The following DLG5 variants were observed in gnomAD, a reference collection of about 807,000 sequenced individuals.
DLG5 encodes the protein disks large homolog 5.
Under a neutral mutation model 189.8 loss-of-function variants are expected in DLG5, and 48 were observed. The observed-to-expected ratio is 0.25, with a 90% confidence interval of 0.20 to 0.32. The LOEUF (loss-of-function observed/expected upper bound fraction) is 0.32. DLG5 is among the 10% of genes least tolerant of loss of function. The pLI is 1.00. For missense variants in DLG5, 2,160 were observed against 2,544.7 expected (o/e 0.85, Z 3.25); for synonymous variants, 1,016 against 1,054.1 (o/e 0.96, Z 0.70).
intron 7 of DLG5, among the ~76,000 whole-genome samples, chr10:77,838,715 G>A (rs1184837270): frequency 2.0e-5 from 3 of 152,248 alleles, no homozygotes; most frequent in Admixed American, 2.0e-4. Flanking sequence ...TGGCTCTGCG[G>A]TGAGGGAGCT....
At chr10:77,848,716 T>A (rs577544500) in intron 5 of DLG5, among the ~76,000 whole-genome samples, 2 of 148,988 alleles carry the variant, frequency 1.3e-5, no homozygotes, top group Non-Finnish European at 3.0e-5. Context: ...GATTTTTTTT[T>A]AAAGCAGGTT....
intron 19 of DLG5, 142 bp from the exon 20 acceptor site, chr10:77,816,843 A>C: frequency 7.2e-7 from 1 of 1,382,656 alleles, no homozygotes; most frequent in Non-Finnish European, 9.9e-7. Flanking sequence ...TAGGCTCTGC[A>C]TTGCCCCCTA....
chr10:77,796,594 T>C lies in DLG5; in HGVS notation c.5165A>G (p.Asp1722Gly). 6.2e-7 allele frequency: 1 copy of C among 1,613,700 alleles called. No individual in the cohort carries two copies. Among genetic ancestry groups the C allele is most frequent in the Non-Finnish European group, 8.5e-7 (1 of 1,179,872 alleles). ...CCGCTGATAGGCCAGGCTCACCGAA[T>C]CTGAGGGAGAGAGAGCAGCAGCGTC... ...FSSDSIPLFE[D>G]SVSLAYQRVQ... The change falls in exon 28 of 32, where the codon GAT becomes GGT. Residue 1722 changes from aspartate to glycine, a missense_variant and splice_region_variant. Asp to Gly is a moderately conservative substitution (Grantham distance 94). Coordinates refer to ENST00000372391, the MANE Select transcript of DLG5 (RefSeq NM_004747.4). The surrounding 1 kb of genome is among the most constrained non-coding windows in gnomAD (Gnocchi z 5.2).
Position 77,849,596 on chromosome 10 carries a change from G to A in DLG5, c.864+3758C>T, listed in dbSNP as rs546908677. Among the ~76,000 whole-genome samples the A allele has an allele frequency of 2.0e-5, 3 of 152,348 alleles. No individual in the cohort carries two copies. In the East Asian group the frequency reaches 5.8e-4, roughly 29 times the overall value. ...GCACTGGTCCAGCTGAACTGACCTG[G>A]GGGACCCCAATGACCAGGATGCATC... On this transcript the variant is annotated intron_variant, in intron 5 of 31. Coordinates refer to ENST00000372391, the MANE Select transcript of DLG5 (RefSeq NM_004747.4).
At chr10:77,918,790 G>A (rs936544972) in intron 1 of DLG5, among the ~76,000 whole-genome samples, 1 of 152,094 alleles carries the variant, frequency 6.6e-6, no homozygotes, top group Admixed American at 6.5e-5. Context: ...AGGCCAACAC[G>A]CAGCTCAGCC....
intron 27 of DLG5, among the ~76,000 whole-genome samples, chr10:77,800,926 C>T (rs1360646479): frequency 6.6e-6 from 1 of 152,216 alleles, no homozygotes. Flanking sequence ...GAACCACCAG[C>T]TGCACAAAAG....
intron 5 of DLG5, among the ~76,000 whole-genome samples, chr10:77,843,991 C>T (rs1466689385): frequency 6.6e-6 from 1 of 152,194 alleles, no homozygotes; most frequent in Non-Finnish European, 1.5e-5. Context: ...GGCCTGCTTG[C>T]AAGGTTGACC....
chr10:77,876,707 AAGGGAGGG>A (rs773174317), intron 1 of DLG5, among the ~76,000 whole-genome samples: 1 of 69,904 alleles, frequency 1.4e-5, no homozygotes, highest in African/African-American at 5.9e-5. Context: ...GGAAGGAAGG[AAGGGAGGG>A]AGGGAGGGAG....
intron 20 of DLG5, among the ~76,000 whole-genome samples, chr10:77,814,225 G>A (rs117207781): frequency 0.02 from 2,991 of 151,964 alleles, 46 homozygotes; most frequent in Non-Finnish European, 0.033. Context: ...TGATATGCCC[G>A]TCTCAGCCAC....
At chr10:77,887,099 T>C (rs1249005826) in intron 1 of DLG5, among the ~76,000 whole-genome samples, 2 of 152,162 alleles carry the variant, frequency 1.3e-5, no homozygotes, top group Non-Finnish European at 2.9e-5. Context: ...GCCCTTCCAA[T>C]ACAGACATCA....
chr10:77,896,483 T>C (rs1455127930), intron 1 of DLG5, among the ~76,000 whole-genome samples: 1 of 152,172 alleles, frequency 6.6e-6, no homozygotes, highest in Non-Finnish European at 1.5e-5. Context: ...TGTCCACAAC[T>C]TTTTTCCAAA....
At chr10:77,925,840 G>A (rs897500384) in intron 1 of DLG5, among the ~76,000 whole-genome samples, 2 of 152,130 alleles carry the variant, frequency 1.3e-5, no homozygotes, top group African/African-American at 4.8e-5. Flanking sequence ...TCTTCTGGAC[G>A]GTACCCTTGG....
intron 1 of DLG5, among the ~76,000 whole-genome samples, chr10:77,890,261 C>T (rs1845567042): frequency 6.6e-6 from 1 of 152,208 alleles, no homozygotes; most frequent in Non-Finnish European, 1.5e-5. Context: ...AGCAGGATGT[C>T]TTCAGCTGGA....
intron 27 of DLG5, among the ~76,000 whole-genome samples, chr10:77,797,215 T>A (rs1840969374): frequency 6.6e-6 from 1 of 152,246 alleles, no homozygotes; most frequent in South Asian, 2.1e-4. Context: ...CTTAAGCCAC[T>A]GTTATTTGGT....
At chr10:77,836,529 C>T (rs1843144767) in intron 7 of DLG5, among the ~76,000 whole-genome samples, 1 of 152,114 alleles carries the variant, frequency 6.6e-6, no homozygotes, top group Admixed American at 6.5e-5. Flanking sequence ...GGAAGACACA[C>T]ACGCACAGGA....
chr10:77,936,435 TCAAAACAAAA>T, the DLG5 span, among the ~76,000 whole-genome samples: 9 of 106,704 alleles, frequency 8.4e-5, no homozygotes, highest in Non-Finnish European at 1.3e-4. Flanking sequence ...AGACTCCGTC[TCAAAACAAAA>T]CAAAAAAAAA....
At chr10:77,889,029 TAACCTCCCAGGCCTC>T in intron 1 of DLG5, among the ~76,000 whole-genome samples, 1 of 148,960 alleles carries the variant, frequency 6.7e-6, no homozygotes, top group Non-Finnish European at 1.5e-5. Context: ...AGCCCACAGG[TAACCTCCCAGGCCTC>T]ACAAGCCCAC....
At chr10:77,915,410 C>A (rs567435337) in intron 1 of DLG5, among the ~76,000 whole-genome samples, 1 of 152,028 alleles carries the variant, frequency 6.6e-6, no homozygotes, top group South Asian at 2.1e-4. Context: ...TGATGGTATA[C>A]GTTGATGCTC....
At chr10:77,894,216 A>G (rs929819374) in intron 1 of DLG5, among the ~76,000 whole-genome samples, 2 of 152,108 alleles carry the variant, frequency 1.3e-5, no homozygotes, top group Admixed American at 6.6e-5. Context: ...TGAGCTCTGG[A>G]GCCCAACTGC....
Sources: allele counts gnomAD v4.1 joint callset (sites outside exome capture counted in the v4.1 genomes callset), GRCh38; gene constraint gnomAD v4.1.1; non-coding constraint Gnocchi (gnomAD v3.1); transcripts MANE v1.5; gene names NCBI Gene and HGNC (gene_info 2026-07-23, HGNC 2026-07-21).